Variants in STPG2 observed in about 807,000 individuals in gnomAD.
The protein encoded by STPG2 is sperm-tail PG-rich repeat-containing protein 2.
In STPG2, 56 loss-of-function variants were observed where a neutral mutation model predicts 54.2. The observed-to-expected ratio is 1.03, with a 90% CI of 0.83 to 1.29. The LOEUF (loss-of-function observed/expected upper bound fraction) is 1.29, where lower values mean the gene tolerates loss of function less well. STPG2 is among the 50% of genes most tolerant of loss of function. The pLI, the probability that STPG2 is intolerant of heterozygous loss-of-function variation, is 0.00. For missense variants in STPG2, 596 were observed against 544.9 expected (o/e 1.09, Z -0.93); for synonymous variants, 200 against 181.8 (o/e 1.10, Z -0.81).
intron 5 of STPG2, among the ~76,000 whole-genome samples, chr4:98,085,408 T>C (rs1738474820): frequency 6.6e-6 from 1 of 152,120 alleles, no homozygotes; most frequent in Non-Finnish European, 1.5e-5. Context: ...TCAGTTTATT[T>C]CTGCAAAAAC....
intron 8 of STPG2, among the ~76,000 whole-genome samples, chr4:97,850,457 T>A (rs1371591882): frequency 3.0e-5 from 3 of 100,318 alleles, no homozygotes; most frequent in Non-Finnish European, 6.4e-5. Flanking sequence ...AATTTTACCA[T>A]TTTTTTTTGT....
intron 7 of STPG2, among the ~76,000 whole-genome samples, chr4:97,965,040 A>C (rs927598936): frequency 7.9e-5 from 12 of 152,146 alleles, no homozygotes; most frequent in African/African-American, 2.9e-4. Flanking sequence ...ACAGGGCATC[A>C]CCTCACCCAG....
intron 3 of STPG2, among the ~76,000 whole-genome samples, chr4:98,123,307 C>T (rs1036417608): frequency 2.0e-5 from 3 of 151,806 alleles, no homozygotes; most frequent in African/African-American, 7.3e-5. Flanking sequence ...ATCTTTCTAG[C>T]TTTTTAATGT....
chr4:97,907,762 T>C (rs572756357), intron 8 of STPG2, among the ~76,000 whole-genome samples: 4 of 152,238 alleles, frequency 2.6e-5, no homozygotes, highest in East Asian at 3.9e-4. Context: ...AAACAAGCAA[T>C]GGGGAAAGGA....
At chr4:98,065,532 G>A (rs1260351705) in intron 5 of STPG2, among the ~76,000 whole-genome samples, 1 of 152,146 alleles carries the variant, frequency 6.6e-6, no homozygotes, top group African/African-American at 2.4e-5. Flanking sequence ...GTATATTAGA[G>A]TTTAATACAT....
rs1162180178 is a variant in STPG2, at chr4:97,756,498, AT to A, written c.1205-43685del. Among the ~76,000 whole-genome samples the A allele has an allele frequency of 2.0e-5, 3 of 151,480 alleles. No homozygotes were observed. The East Asian group carries it at 5.9e-4, about 30-fold the overall frequency. ...CACCATGCCCGGCTAATTTTTTTGTATTTTTTTAGTAGAGATGGGGTTGCAC... is the reference window on the plus strand; with the variant it reads ...CACCATGCCCGGCTAATTTTTTTGTATTTTTTAGTAGAGATGGGGTTGCAC... On this transcript the variant is annotated intron_variant, in intron 9 of 10. Transcript: ENST00000295268.
At chr4:97,725,676 A>T (rs987724943) in intron 9 of STPG2, among the ~76,000 whole-genome samples, 12 of 151,860 alleles carry the variant, frequency 7.9e-5, no homozygotes, top group African/African-American at 2.9e-4. Flanking sequence ...AAAAAATTCT[A>T]TTGGAACCAA....
At chr4:97,801,622 T>C (rs888854279) in intron 9 of STPG2, among the ~76,000 whole-genome samples, 2 of 152,176 alleles carry the variant, frequency 1.3e-5, no homozygotes, top group Non-Finnish European at 2.9e-5. Flanking sequence ...TAGCAGAAAG[T>C]AGCTCATATT....
chr4:97,539,287 T>C (rs1731628351), intron 4 of STPG2, among the ~76,000 whole-genome samples: 1 of 152,126 alleles, frequency 6.6e-6, no homozygotes, highest in Non-Finnish European at 1.5e-5. Context: ...TGTGCTGTAT[T>C]CAGGAAACCC....
intron 4 of STPG2, among the ~76,000 whole-genome samples, chr4:97,450,731 T>TG (rs1261510889): frequency 3.3e-5 from 5 of 152,170 alleles, no homozygotes; most frequent in Non-Finnish European, 7.3e-5. Context: ...AAGTAGGCCA[T>TG]GTTAAGGATT....
chr4:97,839,020 T>C (rs746666524), intron 9 of STPG2, among the ~76,000 whole-genome samples: 1 of 151,598 alleles, frequency 6.6e-6, no homozygotes, highest in Non-Finnish European at 1.5e-5. Flanking sequence ...TCTGCAGTTG[T>C]ACAGTGACTT....
At chr4:97,960,099 C>T (rs1466650421) in intron 7 of STPG2, among the ~76,000 whole-genome samples, 4 of 151,974 alleles carry the variant, frequency 2.6e-5, no homozygotes, top group African/African-American at 7.2e-5. Context: ...AGAAAATTCA[C>T]ATGATCATCT....
At chr4:97,719,769 G>T (rs1724393062) in intron 9 of STPG2, among the ~76,000 whole-genome samples, 1 of 151,898 alleles carries the variant, frequency 6.6e-6, no homozygotes, top group African/African-American at 2.4e-5. Flanking sequence ...ATCTACTTCT[G>T]TGACTTTAAG....
intron 5 of STPG2, among the ~76,000 whole-genome samples, chr4:98,032,483 C>A (rs1350497559): frequency 6.6e-6 from 1 of 152,086 alleles, no homozygotes; most frequent in South Asian, 2.1e-4. Flanking sequence ...GACTCCCACA[C>A]AATAATAGTG....
chr4:97,863,559 G>T (rs190955943), intron 8 of STPG2, among the ~76,000 whole-genome samples: 1 of 151,982 alleles, frequency 6.6e-6, no homozygotes, highest in Non-Finnish European at 1.5e-5. Context: ...AATTATTCCA[G>T]TCAATAGAAT....
intron 5 of STPG2, among the ~76,000 whole-genome samples, chr4:98,059,704 G>T (rs1343214468): frequency 6.6e-6 from 1 of 150,732 alleles, no homozygotes; most frequent in Admixed American, 6.6e-5. Context: ...ACATCAAAGG[G>T]CTAATCTACC....
intron 7 of STPG2, among the ~76,000 whole-genome samples, chr4:97,971,000 G>A (rs1348077501): frequency 2.6e-5 from 4 of 152,218 alleles, no homozygotes; most frequent in East Asian, 1.9e-4. Context: ...GGCAAAGGAT[G>A]TGAACAGACA....
chr4:98,083,011 TA>T (rs1560671198), intron 5 of STPG2, among the ~76,000 whole-genome samples: 1 of 152,290 alleles, frequency 6.6e-6, no homozygotes, highest in South Asian at 2.1e-4. Context: ...GTTTCTCTTC[TA>T]CATAAAACCC....
At chr4:98,057,859 A>G (rs1737527118) in intron 5 of STPG2, among the ~76,000 whole-genome samples, 1 of 152,238 alleles carries the variant, frequency 6.6e-6, no homozygotes, top group African/African-American at 2.4e-5. Context: ...CAGACCTCTC[A>G]GGTGAAACTC....
Sources: gnomAD v4.1 joint callset for allele counts (sites outside exome capture counted in the v4.1 genomes callset) on GRCh38, gnomAD v4.1.1 for gene constraint, MANE v1.5 for transcripts, NCBI Gene and HGNC (gene_info 2026-07-23, HGNC 2026-07-21) for gene names.